PUS1: variants seen among roughly 807,000 people sequenced by gnomAD.
The protein encoded by PUS1 is pseudouridine synthase 1, also known as pseudouridylate synthase 1 homolog.
In PUS1, 25 loss-of-function variants were observed where a neutral mutation model predicts 38.5. The observed-to-expected ratio is 0.65, with a 90% CI of 0.47 to 0.91. PUS1 has a LOEUF of 0.91. Ranked by LOEUF, PUS1 falls within the 40% of genes least tolerant of loss-of-function variation. PUS1 has a pLI of 0.00. For synonymous variants in PUS1, 282 were observed against 260.4 expected (o/e 1.08, Z -0.80); for missense variants, 597 against 612.3 (o/e 0.97, Z 0.26).
Position 131,941,227 on chromosome 12 carries a change from G to A in PUS1, c.545-65G>A. On this transcript the variant is annotated intron_variant, in intron 4 of 5. Coordinates refer to ENST00000376649, the MANE Select transcript of PUS1 (RefSeq NM_025215.6). This position sits in a 1 kb window ranked among gnomAD's most constrained non-coding sequence, Gnocchi z 4.4. Reference sequence around the variant, plus strand: ...ACGCTGGGGCTCACGCCGTGCTCAGGCTGCTCCCTGGTCATCCAGGCACTT... The same window carrying A: ...ACGCTGGGGCTCACGCCGTGCTCAGACTGCTCCCTGGTCATCCAGGCACTT... 7.0e-7 allele frequency: 1 copy of A among 1,425,994 alleles called. No homozygotes were observed. Among genetic ancestry groups the A allele is most frequent in the Non-Finnish European group, 9.8e-7 (1 of 1,016,608 alleles). 88.3% of individuals were successfully genotyped at this position (1,425,994 alleles called of 1,614,324 possible).
intron 3 of PUS1, among the ~76,000 whole-genome samples, chr12:131,936,998 C>T (rs1352262724): frequency 2.0e-5 from 3 of 152,162 alleles, no homozygotes; most frequent in East Asian, 1.9e-4. Flanking sequence ...CAGGATGTCT[C>T]GAGTGTTCTC....
Position 131,929,663 on chromosome 12 carries a change from G to A in PUS1, c.-60G>A, listed in dbSNP as rs1362884549. Reference sequence around the variant, plus strand: ...TTAGGGGTCGGCAGAGGCGGAGCTGGGGCACTGGGGGTCAGGGGTCGGGGA... The same window carrying A: ...TTAGGGGTCGGCAGAGGCGGAGCTGAGGCACTGGGGGTCAGGGGTCGGGGA... On this transcript the variant is annotated 5_prime_UTR_variant, in exon 1 of 6. Transcript: ENST00000376649. 2 of 1,426,676 alleles carry A rather than the reference G, an allele frequency of 1.4e-6. No individual in the cohort carries two copies. The highest frequency in any genetic ancestry group is 1.9e-6 in the Non-Finnish European group (2 of 1,064,842). The allele number at this position is 1,426,676 out of a possible 1,614,324, so 88.4% of individuals were successfully genotyped here.
chr12:131,942,404 T>G (rs921266734), intron 5 of PUS1, among the ~76,000 whole-genome samples: 17 of 145,896 alleles, frequency 1.2e-4, no homozygotes, highest in African/African-American at 4.7e-4. Flanking sequence ...GAGTTTGTTC[T>G]TTCTTTTTTT....
At position 131,939,187 on chromosome 12, in the gene PUS1, C is replaced by T. The variant is rs369170782; in HGVS notation, c.456C>T (p.Ala152=). The T allele has an allele frequency of 1.3e-5, 20 of 1,559,000 alleles. No homozygotes were observed. Among genetic ancestry groups the T allele is most frequent in the East Asian group, 7.3e-5 (3 of 41,320 alleles). Residue 152 remains alanine (A), a synonymous_variant, in exon 4 of 6, where the codon GCC becomes GCT. Coordinates refer to ENST00000376649, the MANE Select transcript of PUS1 (RefSeq NM_025215.6). The stretch of plus-strand genomic sequence containing the variant: ...TTTGTTTACAGGGTGTGTCCGCAGC[C>T]GGCCAGGTGGTATCCCTGAAGGTGT... ...CARTDKGVSA[A]GQVVSLKVWL...
At chr12:131,935,897 A>C (rs1299865045) in intron 3 of PUS1, among the ~76,000 whole-genome samples, 1 of 152,150 alleles carries the variant, frequency 6.6e-6, no homozygotes. Flanking sequence ...TCAGATTTTA[A>C]AAATAGCTTT....
rs866584539 is a variant in PUS1 at position 131,941,905 on chromosome 12, C to T, written c.1158C>T (p.Ser386=). 1.9e-6 allele frequency: 3 copies of T among 1,613,404 alleles called. No homozygotes were observed. Among genetic ancestry groups the T allele is most frequent in the Non-Finnish European group, 2.5e-6 (3 of 1,180,044 alleles). The change falls in exon 5 of 6, where the codon TCC becomes TCT. Residue 386 remains serine, a synonymous_variant. Transcript: ENST00000376649. The surrounding 1 kb of genome is among the most constrained non-coding windows in gnomAD (Gnocchi z 4.4). ...TIIGTERDER[S]MAQWLSTLPI... ...TCGGCACCGAGCGGGACGAACGCTCCATGGCCCAGTGGCTGAGCACCTTGC... is the reference window on the plus strand; with the variant it reads ...TCGGCACCGAGCGGGACGAACGCTCTATGGCCCAGTGGCTGAGCACCTTGC...
intron 2 of PUS1, among the ~76,000 whole-genome samples, chr12:131,930,752 C>T (rs1394194019): frequency 6.6e-6 from 1 of 151,974 alleles, no homozygotes; most frequent in African/African-American, 2.4e-5. Context: ...GCCTCCCGAA[C>T]ATCGAGGGCT....
intron 3 of PUS1, 197 bp downstream of exon 3, chr12:131,932,509 C>T (rs1182947167): frequency 1.1e-5 from 7 of 626,172 alleles, no homozygotes; most frequent in Non-Finnish European, 2.0e-5. Context: ...TGCTCCCTGC[C>T]AGTGGGACTC....
Position 131,929,480 on chromosome 12 carries a change from G to T in PUS1, c.-243G>T, listed in dbSNP as rs1890476976. 2 of 451,856 alleles carry T rather than the reference G, an allele frequency of 4.4e-6. No homozygotes were observed. Among genetic ancestry groups the T allele is most frequent in the African/African-American group, 2.0e-5 (1 of 48,912 alleles). 28.0% of individuals were successfully genotyped at this position (451,856 alleles called of 1,614,324 possible). A position where few individuals can be genotyped will look rare whatever the true frequency, so the allele number is the denominator to read the frequency against. Reference sequence around the variant, plus strand: ...GCGGTCTGGGGGCAGTAGAGACGGGGCTTGGGCGCGGGGCCTGAGAGGTCA... The same window carrying T: ...GCGGTCTGGGGGCAGTAGAGACGGGTCTTGGGCGCGGGGCCTGAGAGGTCA... On this transcript the variant is annotated 5_prime_UTR_variant, in exon 1 of 6. Coordinates refer to ENST00000376649, the MANE Select transcript of PUS1 (RefSeq NM_025215.6).
In PUS1 at chr12:131,929,744, C is replaced by T. The variant is rs139227671; in HGVS notation, c.22C>T (p.Leu8=). The T allele has an allele frequency of 5.3e-4, 844 of 1,592,760 alleles. 4 individuals carry two copies. The African/African-American group carries it at 6.7e-3, about 13-fold the overall frequency. ...GCGCATGGGCCTCCAGCTTCGCGCG[C>T]TGTTGGGAGCCTTCGGACGGTGGAC... MGLQLRA[L]LGAFGRWTLR... is the part of the protein sequence containing the mutation. Residue 8 remains leucine (L), a synonymous_variant, in exon 1 of 6, where the codon CTG becomes TTG. Transcript: ENST00000376649.
intron 4 of PUS1, chr12:131,940,994 A>T: frequency 2.1e-6 from 1 of 465,846 alleles, no homozygotes; most frequent in East Asian, 3.8e-5. Context: ...CACTCCAAGC[A>T]TGTATCATTT....
At chr12:131,935,270 TG>T (rs1175721760) in intron 3 of PUS1, among the ~76,000 whole-genome samples, 4 of 152,254 alleles carry the variant, frequency 2.6e-5, no homozygotes, top group African/African-American at 4.8e-5. Context: ...ATTTTCTTTT[TG>T]ATTCTTCCAT....
In PUS1 at chr12:131,930,046, G is replaced by A. The variant is rs750634830; in HGVS notation, c.214G>A (p.Gly72Ser). Residue 72 changes from glycine to serine, a missense_variant, in exon 2 of 6, where the codon GGT becomes AGT. Coordinates refer to ENST00000376649, the MANE Select transcript of PUS1 (RefSeq NM_025215.6). ...GEHPAKKLKSGGDEERREKPP... is the reference protein window; with the variant it reads ...GEHPAKKLKSSGDEERREKPP... ...ACATCCGGCGAAGAAGCTCAAGAGC[G>A]GTGGCGACGAGGAGCGGCGCGAGAA... The A allele has an allele frequency of 2.8e-6, 4 of 1,451,726 alleles. No homozygotes were observed. The highest frequency in any genetic ancestry group is 1.5e-5 in the South Asian group (1 of 66,852). The allele number at this position is 1,451,726 out of a possible 1,614,324, so 89.9% of individuals were successfully genotyped here. A position where few individuals can be genotyped will look rare whatever the true frequency, so the allele number is the denominator to read the frequency against.
At position 131,929,807 on chromosome 12, in the gene PUS1, C is replaced by T. The variant is rs1335698644; in HGVS notation, c.74+11C>T. The T allele has an allele frequency of 1.9e-6, 3 of 1,571,254 alleles. No individual in the cohort carries two copies. In the South Asian group the frequency reaches 3.5e-5, roughly 18 times the overall value. ...ACCGCGTCCGTCCTGGTAATGACCG[C>T]GACGCCGGGCGACCCCGCTATGCCC... On this transcript the variant is annotated intron_variant, in intron 1 of 5. Transcript: ENST00000376649.
chr12:131,941,385 A>G lies in PUS1; in HGVS notation c.638A>G (p.Lys213Arg), dbSNP rs545204877. 2 of 1,614,224 alleles carry G rather than the reference A, an allele frequency of 1.2e-6. No homozygotes were observed. The highest frequency in any genetic ancestry group is 8.5e-7 in the Non-Finnish European group (1 of 1,180,046). ...CTGCCCACGTTTGCCTTTGCGCACA[A>G]GGACCGGGACGTTCAGGATGAGACC... ...YLLPTFAFAH[K>R]DRDVQDETYR... Residue 213 changes from lysine to arginine, a missense_variant, in exon 5 of 6, where the codon AAG becomes AGG. Transcript: ENST00000376649. This position sits in a 1 kb window ranked among gnomAD's most constrained non-coding sequence, Gnocchi z 4.4.
chr12:131,941,629 C>T lies in PUS1; in HGVS notation c.882C>T (p.Ile294=), dbSNP rs778230045. Residue 294 remains isoleucine, a synonymous_variant, in exon 5 of 6, where the codon ATC becomes ATT. Transcript: ENST00000376649. The surrounding 1 kb of genome is among the most constrained non-coding windows in gnomAD (Gnocchi z 4.4). The part of the protein sequence containing the change: ...VKGQSFMMHQ[I]RKMVGLVVAI... ...GCCAGAGCTTCATGATGCATCAGAT[C>T]CGGAAGATGGTCGGCCTGGTGGTGG... 6.2e-7 allele frequency: 1 copy of T among 1,614,070 alleles called. No homozygotes were observed. The highest frequency in any genetic ancestry group is 1.3e-5 in the African/African-American group (1 of 74,916).
In PUS1 at chr12:131,943,488, G is replaced by C. The variant is rs759485042; in HGVS notation, c.1237-51G>C. 1.3e-5 allele frequency: 19 copies of C among 1,495,816 alleles called. No homozygotes were observed. The Admixed American group carries it at 3.2e-4, about 25-fold the overall frequency. The allele number at this position is 1,495,816 out of a possible 1,614,324, so 92.7% of individuals were successfully genotyped here. ...CATGGGCCCCTGTGGGCATCCAGGA[G>C]CAGTGGAGAGAGTGCTTGCCTCTTA... On this transcript the variant is annotated intron_variant, in intron 5 of 5. Coordinates refer to ENST00000376649, the MANE Select transcript of PUS1 (RefSeq NM_025215.6).
chr12:131,942,610 G>GTTA (rs777339927), intron 5 of PUS1, among the ~76,000 whole-genome samples: 10 of 152,168 alleles, frequency 6.6e-5, no homozygotes, highest in Non-Finnish European at 1.3e-4. Flanking sequence ...GTTTCACCAT[G>GTTA]TTAGCCAGGA....
At chr12:131,929,848 C>A in intron 1 of PUS1, 52 bp downstream of exon 1, 1 of 1,480,282 alleles carries the variant, frequency 6.8e-7, no homozygotes, top group Non-Finnish European at 9.0e-7. Flanking sequence ...GCCCAGCCCA[C>A]CCCAGTCCAC....
Sources: gnomAD v4.1 joint callset for allele counts (sites outside exome capture counted in the v4.1 genomes callset) on GRCh38, gnomAD v4.1.1 for gene constraint, Gnocchi (gnomAD v3.1) non-coding constraint, MANE v1.5 for transcripts, NCBI Gene and HGNC (gene_info 2026-07-23, HGNC 2026-07-21) for gene names.